NDUFAF1: variants seen among roughly 807,000 people sequenced by gnomAD.
NDUFAF1 encodes complex I intermediate-associated protein 30, mitochondrial.
A neutral mutation model predicts 28.7 loss-of-function variants in NDUFAF1; 18 were observed. That is an observed-to-expected ratio of 0.63 (90% confidence interval 0.43 to 0.93). NDUFAF1 has a LOEUF of 0.93. Ranked by LOEUF, NDUFAF1 falls within the 40% of genes least tolerant of loss-of-function variation. The pLI is 0.00. For synonymous variants in NDUFAF1, 113 were observed against 139.7 expected (o/e 0.81, Z 1.35); for missense variants, 404 against 398.3 (o/e 1.01, Z -0.12).
chr15:41,395,259 A>T (rs757385904), intron 2 of NDUFAF1, among the ~76,000 whole-genome samples: 7 of 152,216 alleles, frequency 4.6e-5, no homozygotes, highest in Non-Finnish European at 7.3e-5. Context: ...CAACTGGCCC[A>T]GGACAGTGTT....
chr15:41,388,962 T>A (rs1258575327), intron 3 of NDUFAF1, among the ~76,000 whole-genome samples: 2 of 152,154 alleles, frequency 1.3e-5, no homozygotes, highest in African/African-American at 4.8e-5. Context: ...AAATGTCCTA[T>A]TCCTTCTACT....
chr15:41,399,052 C>T (rs1416371098), intron 1 of NDUFAF1, among the ~76,000 whole-genome samples: 1 of 151,676 alleles, frequency 6.6e-6, no homozygotes, highest in Non-Finnish European at 1.5e-5. Flanking sequence ...AATGACTTGT[C>T]GTCAGGAGTT....
chr15:41,401,267 CTTTTTT>C (rs755063294), intron 1 of NDUFAF1, among the ~76,000 whole-genome samples: 4 of 111,222 alleles, frequency 3.6e-5, no homozygotes, highest in South Asian at 6.1e-4. Flanking sequence ...GGCGCCCAAC[CTTTTTT>C]TTTTTTTTTT....
chr15:41,396,921 C>T lies in NDUFAF1; in HGVS notation c.139G>A (p.Gly47Ser). The part of the protein sequence containing the change: ...SSLQKPVASP[G>S]KASSQRKTEG... ...GTCTTCCTCTGTGAGGAGGCTTTGC[C>T]AGGAGAAGCCACTGGTTTCTGAAGA... Residue 47 changes from glycine to serine, a missense_variant, in exon 2 of 5, where the codon GGC (glycine) becomes AGC (serine). Transcript: ENST00000260361. 6.2e-7 allele frequency: 1 copy of T among 1,613,766 alleles called. No individual in the cohort carries two copies.
Position 41,395,148 on chromosome 15 carries a change from T to C in NDUFAF1, c.574-104A>G, listed in dbSNP as rs184235226. The C allele has an allele frequency of 2.3e-5, 24 of 1,026,028 alleles. No individual in the cohort carries two copies. In the African/African-American group the frequency reaches 3.5e-4, roughly 15 times the overall value. 63.6% of individuals were successfully genotyped at this position (1,026,028 alleles called of 1,614,324 possible). A position where few individuals can be genotyped will look rare whatever the true frequency, so the allele number is the denominator to read the frequency against. On this transcript the variant is annotated intron_variant, in intron 2 of 4. Transcript: ENST00000260361. ...ATCAACAGGATGCACTAACCATTTT[T>C]CTGACTTTCTGCCCCATAAGAAGGC...
At chr15:41,394,298 T>C in intron 3 of NDUFAF1, 1 of 1,222,448 alleles carries the variant, frequency 8.2e-7, no homozygotes, top group Non-Finnish European at 1.1e-6. Flanking sequence ...CCTCCCAAAG[T>C]GCTGGGATTA....
chr15:41,401,705 C>T (rs143865045), intron 1 of NDUFAF1, among the ~76,000 whole-genome samples: 4,297 of 152,162 alleles, frequency 0.028, 95 homozygotes, highest in Non-Finnish European at 0.04. Context: ...GGATTACAGG[C>T]GTGAGCCACC....
rs992572495 is a variant in NDUFAF1, at chr15:41,388,591, C to A, written c.760-69G>T. On this transcript the variant is annotated intron_variant, in intron 3 of 4. Coordinates refer to ENST00000260361, the MANE Select transcript of NDUFAF1 (RefSeq NM_016013.4). ...TTGAGGCATCTGCATGTAATTGTAA[C>A]GATAAAATGAGTTTACATTTATTCT... 5 of 992,268 alleles carry A rather than the reference C, an allele frequency of 5.0e-6. No individual in the cohort carries two copies. The East Asian group carries it at 7.1e-5, about 14-fold the overall frequency. The allele number at this position is 992,268 out of a possible 1,614,324, so 61.5% of individuals were successfully genotyped here.
chr15:41,397,581 C>T (rs1347481305), intron 1 of NDUFAF1, among the ~76,000 whole-genome samples: 24 of 151,990 alleles, frequency 1.6e-4, no homozygotes, highest in East Asian at 1.9e-4. Flanking sequence ...GGGTGGATCA[C>T]GAGGTCAGGA....
chr15:41,401,513 T>A (rs2050463385), intron 1 of NDUFAF1, among the ~76,000 whole-genome samples: 1 of 151,324 alleles, frequency 6.6e-6, no homozygotes, highest in African/African-American at 2.4e-5. Flanking sequence ...CGGCTCATTG[T>A]AACCTCCACC....
intron 3 of NDUFAF1, among the ~76,000 whole-genome samples, chr15:41,389,781 T>A (rs1016690257): frequency 6.9e-6 from 1 of 144,446 alleles, no homozygotes; most frequent in African/African-American, 2.5e-5. Flanking sequence ...AGTAAATAAA[T>A]TTTAATGAAC....
At chr15:41,389,858 A>G (rs988942691) in intron 3 of NDUFAF1, among the ~76,000 whole-genome samples, 1 of 152,216 alleles carries the variant, frequency 6.6e-6, no homozygotes, top group Non-Finnish European at 1.5e-5. Flanking sequence ...AATATAGCCT[A>G]TGAAAATAGT....
At position 41,387,378 on chromosome 15, in the gene NDUFAF1, A is replaced by T. The variant is rs748023644; in HGVS notation, c.*66T>A. 1 of 1,463,298 alleles carries T rather than the reference A, an allele frequency of 6.8e-7. No homozygotes were observed. The highest frequency in any genetic ancestry group is 1.4e-5 in the African/African-American group (1 of 71,750). The allele number at this position is 1,463,298 out of a possible 1,614,324, so 90.6% of individuals were successfully genotyped here. ...TTGGATGCCATTAAAGAAATATTTT[A>T]TTTTGTCTATATCATTGTAGATGCT... On this transcript the variant is annotated 3_prime_UTR_variant, in exon 5 of 5. Coordinates refer to ENST00000260361, the MANE Select transcript of NDUFAF1 (RefSeq NM_016013.4).
chr15:41,392,198 G>T (rs1455529053), intron 3 of NDUFAF1, among the ~76,000 whole-genome samples: 2 of 151,176 alleles, frequency 1.3e-5, no homozygotes, highest in Non-Finnish European at 2.9e-5. Flanking sequence ...TCAGCCTCCT[G>T]AGGAGCTGGG....
Position 41,397,047 on chromosome 15 carries a change from G to T in NDUFAF1, c.13C>A (p.His5Asn). The T allele has an allele frequency of 6.2e-7, 1 of 1,613,342 alleles. No homozygotes were observed. Among genetic ancestry groups the T allele is most frequent in the Non-Finnish European group, 8.5e-7 (1 of 1,179,870 alleles). Residue 5 changes from histidine to asparagine, a missense_variant, in exon 2 of 5, where the codon CAC becomes AAC. Transcript: ENST00000260361. MALV[H>N]KLLRGTYFLR... is the part of the protein sequence containing the mutation. ...AAATAAGTACCACGCAGCAATTTGT[G>T]AACCAAAGCCATGGTACAAAAAAAT...
chr15:41,398,007 G>C (rs1157067610), intron 1 of NDUFAF1, among the ~76,000 whole-genome samples: 2 of 118,406 alleles, frequency 1.7e-5, no homozygotes, highest in Non-Finnish European at 3.4e-5. Flanking sequence ...CCTGGCAACA[G>C]AGCGAGACTC....
chr15:41,388,216 A>C (rs574982369), intron 4 of NDUFAF1, among the ~76,000 whole-genome samples: 1 of 152,182 alleles, frequency 6.6e-6, no homozygotes, highest in African/African-American at 2.4e-5. Context: ...GGAGGGGGGA[A>C]AATAGCTAAA....
intron 1 of NDUFAF1, among the ~76,000 whole-genome samples, chr15:41,398,278 G>C (rs1334948273): frequency 1.3e-5 from 2 of 151,022 alleles, no homozygotes; most frequent in South Asian, 2.1e-4. Flanking sequence ...GATCACCTGA[G>C]GTAAGGAGTT....
chr15:41,399,513 C>T (rs2050433207), intron 1 of NDUFAF1, among the ~76,000 whole-genome samples: 1 of 149,866 alleles, frequency 6.7e-6, no homozygotes, highest in African/African-American at 2.5e-5. Context: ...GCCAAGACTG[C>T]ACCATCGCAC....
Sources: allele counts gnomAD v4.1 joint callset (sites outside exome capture counted in the v4.1 genomes callset), GRCh38; gene constraint gnomAD v4.1.1; transcripts MANE v1.5; gene names NCBI Gene and HGNC (gene_info 2026-07-23, HGNC 2026-07-21).